NCOA3: variants seen among roughly 807,000 people sequenced by gnomAD.
NCOA3 encodes the protein CBP-interacting protein.
Under a neutral mutation model 158.8 loss-of-function variants are expected in NCOA3, and 51 were observed. The observed-to-expected ratio is 0.32, with a 90% confidence interval of 0.26 to 0.41. NCOA3 has a LOEUF of 0.41. NCOA3 is among the 10% of genes least tolerant of loss of function. The pLI is 1.00. For missense variants in NCOA3, 1,510 were observed against 1,746.6 expected (o/e 0.86, Z 2.41); for synonymous variants, 537 against 592.4 (o/e 0.91, Z 1.36).
At chr20:47,624,722 A>G (rs943730384) in intron 4 of NCOA3, among the ~76,000 whole-genome samples, 1 of 152,170 alleles carries the variant, frequency 6.6e-6, no homozygotes, top group Non-Finnish European at 1.5e-5. Context: ...GATGGAGGCT[A>G]GCAAGTATGG....
At chr20:47,583,806 A>G (rs2085490709) in intron 2 of NCOA3, among the ~76,000 whole-genome samples, 1 of 152,064 alleles carries the variant, frequency 6.6e-6, no homozygotes, top group Non-Finnish European at 1.5e-5. Context: ...GAATGCAAAA[A>G]CTAGCCAGAC....
intron 13 of NCOA3, 55 bp downstream of exon 13, chr20:47,637,838 A>C: frequency 1.4e-6 from 2 of 1,477,138 alleles, no homozygotes; most frequent in Non-Finnish European, 1.8e-6. Context: ...TTTTCTGCAT[A>C]CCTGTAAACA....
At chr20:47,640,962 G>T (rs2086595215) in intron 16 of NCOA3, among the ~76,000 whole-genome samples, 1 of 152,160 alleles carries the variant, frequency 6.6e-6, no homozygotes, top group Non-Finnish European at 1.5e-5. Context: ...AAGAGGCCAT[G>T]GTCAATGTCA....
intron 2 of NCOA3, among the ~76,000 whole-genome samples, chr20:47,603,309 C>T (rs895030645): frequency 1.6e-4 from 25 of 152,348 alleles, no homozygotes; most frequent in South Asian, 4.1e-4. Context: ...ACAGGACGTG[C>T]GACAGGGCTG....
chr20:47,651,551 C>T (rs1001635796), intron 20 of NCOA3, among the ~76,000 whole-genome samples: 1 of 152,214 alleles, frequency 6.6e-6, no homozygotes, highest in African/African-American at 2.4e-5. Context: ...TGTCCCCTTG[C>T]CCCTTCTTGT....
At position 47,639,579 on chromosome 20, in the gene NCOA3, G is replaced by A; in HGVS notation, c.2710G>A (p.Gly904Arg). 1 of 1,613,186 alleles carries A rather than the reference G, an allele frequency of 6.2e-7. No homozygotes were observed. Among genetic ancestry groups the A allele is most frequent in the Non-Finnish European group, 8.5e-7 (1 of 1,179,848 alleles). ...SQENYGSSMG[G>R]PNRNVTVTQT... ...CTAAGTATGGCTACCTGTTTTAGGT[G>A]GGCCAAACCGAAATGTGACTGTGAC... Residue 904 changes from glycine (G) to arginine (R), a missense_variant and splice_region_variant, in exon 15 of 23, where the codon GGG becomes AGG. By Grantham distance (125) the Gly-to-Arg change is moderately radical (BLOSUM62 -2). Coordinates refer to ENST00000371998, the MANE Select transcript of NCOA3 (RefSeq NM_181659.3).
At position 47,556,028 on chromosome 20, in the gene NCOA3, G is replaced by A. The variant is rs1049210938; in HGVS notation, c.-98-27155G>A. Among the ~76,000 whole-genome samples the A allele has an allele frequency of 3.5e-5, 5 of 141,354 alleles. No homozygotes were observed. In the East Asian group the frequency reaches 9.1e-4, roughly 26 times the overall value. The allele number at this position is 141,354 out of a possible 152,430, so 92.7% of individuals were successfully genotyped here. On this transcript the variant is annotated intron_variant, in intron 1 of 22. Transcript: ENST00000371998. ...TGGCTCACTGCAATCTCTGCCTCCC[G>A]GATTCAAGCAATTCTCCTGCCTCAG...
chr20:47,606,435 G>A (rs1373443809), intron 2 of NCOA3, among the ~76,000 whole-genome samples: 2 of 151,988 alleles, frequency 1.3e-5, no homozygotes, highest in South Asian at 2.1e-4. Flanking sequence ...GCCAGACTCC[G>A]CTCCTAGGTA....
At chr20:47,553,256 A>G (rs1293411731) in intron 1 of NCOA3, among the ~76,000 whole-genome samples, 1 of 152,078 alleles carries the variant, frequency 6.6e-6, no homozygotes, top group African/African-American at 2.4e-5. Flanking sequence ...TCTTTTGGCT[A>G]ATTAGAATCT....
intron 1 of NCOA3, among the ~76,000 whole-genome samples, chr20:47,573,895 C>T (rs1237204615): frequency 6.6e-6 from 1 of 152,132 alleles, no homozygotes; most frequent in Non-Finnish European, 1.5e-5. Context: ...TTTAAGAAGT[C>T]CTTTGCACAT....
intron 1 of NCOA3, among the ~76,000 whole-genome samples, chr20:47,543,242 A>G (rs2084773960): frequency 6.6e-6 from 1 of 152,116 alleles, no homozygotes; most frequent in Admixed American, 6.6e-5. Flanking sequence ...GGGAATTTGA[A>G]ATGCCTTTGT....
intron 1 of NCOA3, among the ~76,000 whole-genome samples, chr20:47,542,836 C>G (rs2084767688): frequency 6.6e-6 from 1 of 152,126 alleles, no homozygotes; most frequent in Non-Finnish European, 1.5e-5. Context: ...GTGGCACATA[C>G]CTGTTGTCCC....
At chr20:47,610,760 C>A (rs1243325315) in intron 2 of NCOA3, among the ~76,000 whole-genome samples, 1 of 152,170 alleles carries the variant, frequency 6.6e-6, no homozygotes, top group Non-Finnish European at 1.5e-5. Context: ...CCTTCAATAT[C>A]TTTTCTTTGA....
chr20:47,543,944 T>TA (rs1299890001), intron 1 of NCOA3, among the ~76,000 whole-genome samples: 6 of 152,326 alleles, frequency 3.9e-5, no homozygotes, highest in South Asian at 2.1e-4. Context: ...TCTCCTGTGG[T>TA]AAAAAACATT....
chr20:47,563,167 T>C (rs2085135055), intron 1 of NCOA3, among the ~76,000 whole-genome samples: 1 of 152,274 alleles, frequency 6.6e-6, no homozygotes. Flanking sequence ...TTACGAATTA[T>C]TTTCCTAATC....
intron 10 of NCOA3, 86 bp from the exon 11 acceptor site, chr20:47,635,236 T>C: frequency 7.2e-7 from 1 of 1,384,294 alleles, no homozygotes; most frequent in Non-Finnish European, 9.6e-7. Context: ...GCTGGTTTTT[T>C]AAAATTTTAT....
At chr20:47,557,889 C>T (rs893786054) in intron 1 of NCOA3, among the ~76,000 whole-genome samples, 3 of 151,980 alleles carry the variant, frequency 2.0e-5, no homozygotes, top group Non-Finnish European at 2.9e-5. Context: ...TGCCACAGAC[C>T]GAGTGGCTAA....
chr20:47,544,790 A>G (rs766132165), intron 1 of NCOA3, among the ~76,000 whole-genome samples: 2 of 152,160 alleles, frequency 1.3e-5, no homozygotes, highest in Non-Finnish European at 2.9e-5. Context: ...TATAGTCATT[A>G]TGTAGTATAA....
At chr20:47,623,849 C>A in intron 3 of NCOA3, 62 bp from the exon 4 acceptor site, 1 of 1,465,770 alleles carries the variant, frequency 6.8e-7, no homozygotes, top group Non-Finnish European at 9.3e-7. Context: ...ATTCTGCTAA[C>A]AGCTCTTTTG....
Sources: allele counts gnomAD v4.1 joint callset (sites outside exome capture counted in the v4.1 genomes callset), GRCh38; gene constraint gnomAD v4.1.1; transcripts MANE v1.5; gene names NCBI Gene and HGNC (gene_info 2026-07-23, HGNC 2026-07-21).